Variants in DNAI4 observed in about 807,000 individuals in gnomAD.
The protein encoded by DNAI4 is dynein axonemal intermediate chain 4.
In DNAI4, 85 loss-of-function variants were observed where a neutral mutation model predicts 105.8. The observed-to-expected ratio is 0.80, with a 90% CI of 0.67 to 0.96. The LOEUF (loss-of-function observed/expected upper bound fraction) is 0.96. DNAI4 is among the 40% of genes least tolerant of loss of function. The probability of loss-of-function intolerance (pLI) is 0.00; values close to 1 mark genes in which losing one functional copy is unlikely to be tolerated. For missense variants in DNAI4, 1,014 were observed against 1,005.6 expected (o/e 1.01, Z -0.11); for synonymous variants, 352 against 331.5 (o/e 1.06, Z -0.67).
rs200224665 is a variant in DNAI4, at chr1:66,822,341, T to G, written c.2496+20A>C. ...ATAGACTAATAAAATGACACAAATTTTTTTACTCTTGAGTCTTACCCGGCC... is the reference window on the plus strand; with the variant it reads ...ATAGACTAATAAAATGACACAAATTGTTTTACTCTTGAGTCTTACCCGGCC... On this transcript the variant is annotated intron_variant, in intron 16 of 16. Transcript: ENST00000371026. 2 of 1,576,376 alleles carry G rather than the reference T, an allele frequency of 1.3e-6. No individual in the cohort carries two copies. The highest frequency in any genetic ancestry group is 1.7e-6 in the Non-Finnish European group (2 of 1,164,622).
At position 66,905,169 on chromosome 1, in the gene DNAI4, T is replaced by C. The variant is rs755962142; in HGVS notation, c.345+32A>G. 2.1e-6 allele frequency: 3 copies of C among 1,444,822 alleles called. No individual in the cohort carries two copies. The South Asian group carries it at 4.6e-5, about 22-fold the overall frequency. 89.5% of individuals were successfully genotyped at this position (1,444,822 alleles called of 1,614,324 possible). A position where few individuals can be genotyped will look rare whatever the true frequency, so the allele number is the denominator to read the frequency against. On this transcript the variant is annotated intron_variant, in intron 2 of 16. Transcript: ENST00000371026. ...CAATTGAGTTTTTCACAGTGCCATT[T>C]TCAAATAAACTCAGAATTCTAAGAA...
intron 2 of DNAI4, 124 bp from the exon 3 acceptor site, chr1:66,893,537 A>G (rs1211177328): frequency 1.8e-6 from 1 of 559,336 alleles, no homozygotes; most frequent in Non-Finnish European, 2.7e-6. Context: ...ATAATAGGAT[A>G]AACATGAAAA....
chr1:66,921,203 C>A (rs1650455035), intron 1 of DNAI4: 1 of 151,996 alleles, frequency 6.6e-6, no homozygotes, highest in South Asian at 2.1e-4. Flanking sequence ...CAAAAGGAAA[C>A]AAGAACATGT....
intron 1 of DNAI4, among the ~76,000 whole-genome samples, chr1:66,913,748 C>T (rs979280870): frequency 1.3e-5 from 2 of 151,904 alleles, no homozygotes; most frequent in African/African-American, 4.8e-5. Context: ...TTTGGGAGGC[C>T]GAGGCGGGCG....
chr1:66,891,165 G>A lies in DNAI4; in HGVS notation c.632C>T (p.Thr211Ile). Residue 211 changes from threonine to isoleucine, a missense_variant, in exon 4 of 17, where the codon ACT (threonine) becomes ATT (isoleucine). Physicochemically the swap from Thr to Ile is moderately conservative, Grantham distance 89. Transcript: ENST00000371026. ...TATATTTTCATTACCTGTGAAACTA[G>A]TCAATCTTTCCCGTTTATAGGATGG... is the stretch of plus-strand genomic sequence containing the variant. ...EEPSYKRERL[T>I]SFTDLQVIRA... The A allele has an allele frequency of 1.9e-6, 3 of 1,610,102 alleles. No homozygotes were observed. The highest frequency in any genetic ancestry group is 1.7e-6 in the Non-Finnish European group (2 of 1,176,516).
Position 66,868,947 on chromosome 1 carries a change from G to A in DNAI4, c.940+2423C>T, listed in dbSNP as rs143355480. Among the ~76,000 whole-genome samples, 1,100 of 151,826 alleles carry A rather than the reference G, an allele frequency of 7.2e-3. 14 individuals are homozygous for A. The highest frequency in any genetic ancestry group is 0.023 in the African/African-American group (951 of 41,362). On this transcript the variant is annotated intron_variant, in intron 6 of 16. Coordinates refer to ENST00000371026, the MANE Select transcript of DNAI4 (RefSeq NM_024763.5). The stretch of plus-strand genomic sequence containing the variant: ...AAAAATTAGCTGGGTGTGTTGGTGC[G>A]CCTGTAGTCCCAGATACTTGGGAGG...
chr1:66,829,685 G>T lies in DNAI4; in HGVS notation c.2014-1775C>A, dbSNP rs535723834. 6.6e-5 allele frequency among the ~76,000 whole-genome samples: 10 copies of T among 152,244 alleles called. No homozygotes were observed. In the South Asian group the frequency reaches 2.1e-3, roughly 32 times the overall value. ...GTAGGAAGAAAATCAGCAAAGAGAA[G>T]TAATCTTGAACAACATTATCAGCCA... On this transcript the variant is annotated intron_variant, in intron 13 of 16. Coordinates refer to ENST00000371026, the MANE Select transcript of DNAI4 (RefSeq NM_024763.5).
intron 1 of DNAI4, among the ~76,000 whole-genome samples, chr1:66,915,166 T>A (rs1649975463): frequency 6.6e-6 from 1 of 152,242 alleles, no homozygotes; most frequent in Non-Finnish European, 1.5e-5. Context: ...ATTGGCTTAA[T>A]GAAAATAGCT....
At chr1:66,835,020 A>T (rs1476634765) in intron 11 of DNAI4, among the ~76,000 whole-genome samples, 1 of 152,132 alleles carries the variant, frequency 6.6e-6, no homozygotes, top group Admixed American at 6.5e-5. Context: ...AGCCTTTTTA[A>T]TATCTTTCAC....
chr1:66,885,351 T>C (rs1348720086), intron 4 of DNAI4, among the ~76,000 whole-genome samples: 5 of 152,358 alleles, frequency 3.3e-5, no homozygotes, highest in East Asian at 3.9e-4. Context: ...TCTTTCCACA[T>C]TTCTTTCAGA....
At chr1:66,840,795 G>A (rs893852967) in intron 8 of DNAI4, 124 bp from the exon 9 acceptor site, 1 of 1,004,536 alleles carries the variant, frequency 1.0e-6, no homozygotes, top group Non-Finnish European at 1.5e-6. Flanking sequence ...TGGATCATAT[G>A]GTGCAAGTGG....
intron 1 of DNAI4, among the ~76,000 whole-genome samples, chr1:66,917,651 A>C (rs773285221): frequency 2.6e-5 from 4 of 152,214 alleles, no homozygotes; most frequent in Non-Finnish European, 5.9e-5. Context: ...ACAGCTTTTA[A>C]GAGTTTAGTA....
chr1:66,884,997 T>G (rs1310872975), intron 4 of DNAI4, among the ~76,000 whole-genome samples: 1 of 152,230 alleles, frequency 6.6e-6, no homozygotes, highest in East Asian at 1.9e-4. Context: ...CCTCTAAAAA[T>G]TGCTTTTTCT....
chr1:66,827,995 T>A, intron 13 of DNAI4, 85 bp from the exon 14 acceptor site: 1 of 830,350 alleles, frequency 1.2e-6, no homozygotes, highest in Non-Finnish European at 1.9e-6. Context: ...CTGGATCTAT[T>A]AAAATCAATT....
chr1:66,882,761 G>A (rs1249218318), intron 4 of DNAI4, among the ~76,000 whole-genome samples: 1 of 151,546 alleles, frequency 6.6e-6, no homozygotes, highest in African/African-American at 2.4e-5. Context: ...CCAGAGTTGG[G>A]CTGGCTGTTT....
chr1:66,894,700 T>C (rs1648163192), intron 2 of DNAI4, among the ~76,000 whole-genome samples: 1 of 152,192 alleles, frequency 6.6e-6, no homozygotes, highest in African/African-American at 2.4e-5. Flanking sequence ...CAAGAGTTTT[T>C]GAAAATCCTG....
chr1:66,814,088 CT>C lies in DNAI4; in HGVS notation c.*41del. 2 of 1,537,528 alleles carry C rather than the reference CT, an allele frequency of 1.3e-6. No individual in the cohort carries two copies. The highest frequency in any genetic ancestry group is 1.8e-5 in the Admixed American group (1 of 54,458). On this transcript the variant is annotated 3_prime_UTR_variant, in exon 17 of 17. Coordinates refer to ENST00000371026, the MANE Select transcript of DNAI4 (RefSeq NM_024763.5). The stretch of plus-strand genomic sequence containing the variant: ...AATACAGAATATTGGATGTTAATTC[CT>C]TTTTTAAAACAACTACAAGAAAAAT...
rs746976010 is a variant in DNAI4, at chr1:66,837,617, T to C, written c.1581+93A>G. On this transcript the variant is annotated intron_variant, in intron 10 of 16. Transcript: ENST00000371026. ...AATAGTCTTGATTGATAAAATTTTC[T>C]AGACTTTATTTAATTATTACATGTA... 3.7e-6 allele frequency: 5 copies of C among 1,337,796 alleles called. No individual in the cohort carries two copies. In the African/African-American group the frequency reaches 6.0e-5, roughly 16 times the overall value. 82.9% of individuals were successfully genotyped at this position (1,337,796 alleles called of 1,614,324 possible).
At chr1:66,870,090 T>G (rs1646809250) in intron 6 of DNAI4, among the ~76,000 whole-genome samples, 2 of 152,234 alleles carry the variant, frequency 1.3e-5, no homozygotes, top group African/African-American at 4.8e-5. Flanking sequence ...GGGTTTGTTC[T>G]GTTAATCTTT....
Sources: allele counts gnomAD v4.1 joint callset (sites outside exome capture counted in the v4.1 genomes callset), GRCh38; gene constraint gnomAD v4.1.1; transcripts MANE v1.5; gene names NCBI Gene and HGNC (gene_info 2026-07-23, HGNC 2026-07-21).